PRDM10: variants seen among roughly 807,000 people sequenced by gnomAD.
PRDM10 encodes the protein PR/SET domain 10.
In PRDM10, 65 loss-of-function variants were observed where a neutral mutation model predicts 133.1. That is an observed-to-expected ratio of 0.49 (90% CI 0.40 to 0.60). The LOEUF is 0.60. Ranked by LOEUF, PRDM10 falls within the 20% of genes least tolerant of loss-of-function variation. The pLI, the probability that PRDM10 is intolerant of heterozygous loss-of-function variation, is 0.00. For synonymous variants in PRDM10, 582 were observed against 580.4 expected (o/e 1.00, Z -0.04); for missense variants, 1,137 against 1,507.1 (o/e 0.75, Z 4.07).
rs774012886 is a variant in PRDM10, at chr11:129,902,270, A to G, written c.*43T>C. 1.0e-5 allele frequency: 16 copies of G among 1,596,568 alleles called. No individual in the cohort carries two copies. The highest frequency in any genetic ancestry group is 1.4e-5 in the Non-Finnish European group (16 of 1,167,832). On this transcript the variant is annotated 3_prime_UTR_variant, in exon 21 of 21. Coordinates refer to ENST00000360871, the MANE Select transcript of PRDM10 (RefSeq NM_199437.2). ...TGTCAGAGCTTTCAGACTTATGAGA[A>G]CAGACATGAGGTGGGTGCTGGATTC...
chr11:129,947,628 G>A lies in PRDM10; in HGVS notation c.295-258C>T. On this transcript the variant is annotated intron_variant, in intron 4 of 20. Transcript: ENST00000360871. This position sits in a 1 kb window ranked among gnomAD's most constrained non-coding sequence, Gnocchi z 4.6. ...GTCCCACACCTGGGAGGGCTGCTAA[G>A]AAGGCTCAGGTGCTCCCTCCTTTGG... 1.6e-6 allele frequency: 2 copies of A among 1,236,448 alleles called. No homozygotes were observed. Among genetic ancestry groups the A allele is most frequent in the Non-Finnish European group, 2.2e-6 (2 of 929,032 alleles). 76.6% of individuals were successfully genotyped at this position (1,236,448 alleles called of 1,614,324 possible). A position where few individuals can be genotyped will look rare whatever the true frequency, so the allele number is the denominator to read the frequency against.
At chr11:129,908,158 T>A (rs1263475510) in intron 19 of PRDM10, among the ~76,000 whole-genome samples, 1 of 152,034 alleles carries the variant, frequency 6.6e-6, no homozygotes, top group Admixed American at 6.6e-5. Context: ...TAATGTTGCA[T>A]GGAGTTGTGT....
At chr11:129,920,348 T>C (rs961197512) in intron 13 of PRDM10, among the ~76,000 whole-genome samples, 1 of 152,162 alleles carries the variant, frequency 6.6e-6, no homozygotes, top group Non-Finnish European at 1.5e-5. Flanking sequence ...TCGTGCTTTT[T>C]GGTATCAGCG....
At chr11:129,920,883 C>T (rs181510567) in intron 13 of PRDM10, among the ~76,000 whole-genome samples, 240 of 152,110 alleles carry the variant, frequency 1.6e-3, no homozygotes, top group East Asian at 2.1e-3. Flanking sequence ...CCACAACCTC[C>T]GCCTCCCGGG....
At chr11:129,987,516 G>C (rs533070043) in intron 1 of PRDM10, among the ~76,000 whole-genome samples, 1 of 152,222 alleles carries the variant, frequency 6.6e-6, no homozygotes, top group East Asian at 1.9e-4. Context: ...CCAAATGACT[G>C]AGCAATTCCT....
In PRDM10 at chr11:129,913,389, A is replaced by G. The variant is rs910164631; in HGVS notation, c.2842-1164T>C. The stretch of plus-strand genomic sequence containing the variant: ...GTTTAGAGAAATATGCTTCTCACAC[A>G]TAAGCCACTATTAGATTCTGGAAGA... On this transcript the variant is annotated intron_variant, in intron 17 of 20. Transcript: ENST00000360871. Among the ~76,000 whole-genome samples, 4 of 152,212 alleles carry G rather than the reference A, an allele frequency of 2.6e-5. No individual in the cohort carries two copies. In the South Asian group the frequency reaches 8.3e-4, roughly 32 times the overall value.
chr11:129,917,299 C>A, intron 14 of PRDM10, 62 bp from the exon 15 acceptor site: 1 of 1,243,180 alleles, frequency 8.0e-7, no homozygotes, highest in South Asian at 1.3e-5. Flanking sequence ...AGAAGCTACA[C>A]GAATGCCTCT....
In PRDM10 at chr11:129,947,241, C is replaced by G; in HGVS notation, c.424G>C (p.Glu142Gln). ...AKEEEDEDED[E>Q]DTEEDEEEDG... is the part of the protein sequence containing the mutation. ...TCTTCCTCATCTTCCTCAGTGTCCT[C>G]GTCCTCATCCTCATCCTCTTCCTCT... The change falls in exon 5 of 21, where the codon GAG becomes CAG. Residue 142 changes from glutamate (E) to glutamine (Q), a missense_variant. Glu to Gln is a conservative substitution (Grantham distance 29). Transcript: ENST00000360871. This position sits in a 1 kb window ranked among gnomAD's most constrained non-coding sequence, Gnocchi z 4.6. The G allele has an allele frequency of 1.2e-6, 2 of 1,614,134 alleles. No individual in the cohort carries two copies. The highest frequency in any genetic ancestry group is 1.7e-6 in the Non-Finnish European group (2 of 1,180,022).
At chr11:129,980,861 G>GT (rs60735364) in intron 1 of PRDM10, among the ~76,000 whole-genome samples, 1,929 of 102,132 alleles carry the variant, frequency 0.019, 136 homozygotes, top group African/African-American at 0.04. Context: ...GACATTTCTG[G>GT]TTTTTTTTTT....
chr11:129,949,631 TAAA>T (rs1951527446), intron 4 of PRDM10, among the ~76,000 whole-genome samples: 1 of 152,148 alleles, frequency 6.6e-6, no homozygotes, highest in Non-Finnish European at 1.5e-5. Context: ...TATCAAACTC[TAAA>T]AAGAGGCTGG....
chr11:129,954,714 C>A (rs1224371399), intron 4 of PRDM10, among the ~76,000 whole-genome samples: 2 of 152,132 alleles, frequency 1.3e-5, no homozygotes, highest in Admixed American at 6.5e-5. Flanking sequence ...ACTCTGCCAC[C>A]CAGGCTGGAG....
intron 1 of PRDM10, among the ~76,000 whole-genome samples, chr11:129,964,919 A>G (rs933847838): frequency 1.3e-4 from 20 of 152,238 alleles, no homozygotes; most frequent in African/African-American, 4.8e-4. Context: ...AAGGTCTAGT[A>G]CATAGTAGGT....
intron 1 of PRDM10, among the ~76,000 whole-genome samples, chr11:130,001,799 G>C (rs1041250727): frequency 1.3e-5 from 2 of 152,112 alleles, no homozygotes; most frequent in Admixed American, 6.5e-5. Flanking sequence ...CCTCTCCCGA[G>C]CGCCGACCGG....
At chr11:129,911,969 C>T in intron 18 of PRDM10, 116 bp downstream of exon 18, 1 of 1,297,904 alleles carries the variant, frequency 7.7e-7, no homozygotes. Flanking sequence ...TAATAAAAAT[C>T]CAAAAATAAC....
chr11:129,908,973 G>A (rs941021295), intron 19 of PRDM10, among the ~76,000 whole-genome samples: 7 of 151,254 alleles, frequency 4.6e-5, no homozygotes, highest in Non-Finnish European at 8.8e-5. Flanking sequence ...CAAGTGATCC[G>A]CCCACCTCGG....
chr11:129,979,744 T>A (rs1937999676), intron 1 of PRDM10, among the ~76,000 whole-genome samples: 1 of 152,042 alleles, frequency 6.6e-6, no homozygotes, highest in Non-Finnish European at 1.5e-5. Context: ...GCCCCTCCTG[T>A]TCTAACTGCA....
At chr11:129,993,878 G>A (rs1387380802) in intron 1 of PRDM10, among the ~76,000 whole-genome samples, 1 of 152,082 alleles carries the variant, frequency 6.6e-6, no homozygotes, top group Non-Finnish European at 1.5e-5. Flanking sequence ...CTTGGGCCTT[G>A]GCAAATGTTT....
chr11:129,911,694 TCTCTGAA>T (rs1950191399), intron 18 of PRDM10, among the ~76,000 whole-genome samples: 1 of 152,216 alleles, frequency 6.6e-6, no homozygotes, highest in African/African-American at 2.4e-5. Flanking sequence ...AATCTCTCCC[TCTCTGAA>T]CTCTGAGAAC....
intron 19 of PRDM10, 63 bp downstream of exon 19, chr11:129,910,413 T>C: frequency 6.2e-7 from 1 of 1,600,946 alleles, no homozygotes; most frequent in Non-Finnish European, 8.5e-7. Flanking sequence ...GCTGAAGAAA[T>C]TATGACACAT....
Sources: gnomAD v4.1 joint callset for allele counts (sites outside exome capture counted in the v4.1 genomes callset) on GRCh38, gnomAD v4.1.1 for gene constraint, Gnocchi (gnomAD v3.1) non-coding constraint, MANE v1.5 for transcripts, NCBI Gene and HGNC (gene_info 2026-07-23, HGNC 2026-07-21) for gene names.